ACOX3: variants seen among roughly 807,000 people sequenced by gnomAD.
ACOX3 encodes acyl-CoA oxidase 3, pristanoyl.
Under a neutral mutation model 81.5 loss-of-function variants are expected in ACOX3, and 73 were observed. The observed-to-expected ratio is 0.90, with a 90% CI of 0.74 to 1.09. The LOEUF is 1.09. Among genes scored for constraint, ACOX3 ranks in the 50% least tolerant of loss-of-function variants. The probability of loss-of-function intolerance (pLI) is 0.00; values close to 1 mark genes in which losing one functional copy is unlikely to be tolerated. For synonymous variants in ACOX3, 387 were observed against 375.1 expected, an observed-to-expected ratio of 1.03 and a Z score of -0.37; for missense variants, 947 against 928.0, an observed-to-expected ratio of 1.02 and a Z score of -0.27.
intron 7 of ACOX3, among the ~76,000 whole-genome samples, chr4:8,404,435 C>CTT (rs370622347): frequency 1.6e-5 from 2 of 125,356 alleles, no homozygotes; most frequent in Non-Finnish European, 3.5e-5. Flanking sequence ...TCTTGTTTTG[C>CTT]TTTTTTTTTT....
At chr4:8,427,330 A>G (rs150936268) in intron 1 of ACOX3, among the ~76,000 whole-genome samples, 2 of 152,178 alleles carry the variant, frequency 1.3e-5, no homozygotes, top group Non-Finnish European at 2.9e-5. Context: ...TGTTTTCACG[A>G]TATTAAATCT....
At position 8,415,735 on chromosome 4, in the gene ACOX3, C is replaced by T. The variant is rs374323186; in HGVS notation, c.378+31G>A. The T allele has an allele frequency of 1.5e-4, 235 of 1,597,636 alleles. 4 individuals are homozygous for T. In the South Asian group the frequency reaches 2.0e-3, roughly 14 times the overall value. ...TCAAGGCTCAGCGCAGCATGAAAGCCGTTTCCCTCTCCCCTAGGCCGCATG... is the reference window on the plus strand; with the variant it reads ...TCAAGGCTCAGCGCAGCATGAAAGCTGTTTCCCTCTCCCCTAGGCCGCATG... On this transcript the variant is annotated intron_variant, in intron 3 of 17. Transcript: ENST00000356406.
At chr4:8,383,999 A>G (rs1183365979) in intron 13 of ACOX3, among the ~76,000 whole-genome samples, 1 of 152,208 alleles carries the variant, frequency 6.6e-6, no homozygotes, top group African/African-American at 2.4e-5. Flanking sequence ...CCCACCACGC[A>G]TCAGCCATGG....
At chr4:8,372,876 A>G (rs1716395771) in intron 16 of ACOX3, among the ~76,000 whole-genome samples, 1 of 152,240 alleles carries the variant, frequency 6.6e-6, no homozygotes, top group Non-Finnish European at 1.5e-5. Flanking sequence ...CAGCAGCACC[A>G]GCACCAGCAC....
intron 13 of ACOX3, among the ~76,000 whole-genome samples, chr4:8,383,320 G>A (rs1030542331): frequency 3.3e-5 from 5 of 152,256 alleles, no homozygotes; most frequent in Non-Finnish European, 5.9e-5. Flanking sequence ...CTGAATGGTG[G>A]CCCCAACTGA....
Position 8,392,345 on chromosome 4 carries a change from C to A in ACOX3, c.1288G>T (p.Gly430Cys). The change falls in exon 11 of 18, where the codon GGC (glycine) becomes TGC (cysteine). Residue 430 changes from glycine (G) to cysteine (C), a missense_variant. Gly to Cys is a radical substitution (Grantham distance 159, BLOSUM62 -3). Coordinates refer to ENST00000356406, the MANE Select transcript of ACOX3 (RefSeq NM_003501.3). ...QECREACGGHGYLAMNRLGVL... is the reference protein window; with the variant it reads ...QECREACGGHCYLAMNRLGVL... ...CTCCAAAACCTACTGGCCAGATAGC[C>A]GTGTCCTCCACACGCCTCCCGGCAT... 1 of 1,591,366 alleles carries A rather than the reference C, an allele frequency of 6.3e-7. No homozygotes were observed. Among genetic ancestry groups the A allele is most frequent in the Admixed American group, 1.8e-5 (1 of 54,890 alleles).
At chr4:8,412,777 C>T (rs921861975) in intron 5 of ACOX3, among the ~76,000 whole-genome samples, 12 of 152,004 alleles carry the variant, frequency 7.9e-5, no homozygotes, top group Non-Finnish European at 1.5e-4. Context: ...GGGAACAGAA[C>T]AGGGTGGGTG....
At chr4:8,418,675 C>A (rs1461381894) in intron 1 of ACOX3, among the ~76,000 whole-genome samples, 1 of 150,998 alleles carries the variant, frequency 6.6e-6, no homozygotes, top group East Asian at 2.0e-4. Flanking sequence ...GCCTGGCCAA[C>A]ACGGTGAAAC....
intron 3 of ACOX3, 125 bp from the exon 4 acceptor site, chr4:8,415,053 T>G: frequency 3.4e-6 from 3 of 893,908 alleles, no homozygotes; most frequent in Non-Finnish European, 5.4e-6. Flanking sequence ...CACTGCACTT[T>G]CCCCAAGGTG....
chr4:8,418,226 A>G (rs1253399902), intron 1 of ACOX3, among the ~76,000 whole-genome samples: 1 of 152,220 alleles, frequency 6.6e-6, no homozygotes, highest in Non-Finnish European at 1.5e-5. Context: ...GAGAACTAGA[A>G]ATAAACATCT....
chr4:8,409,317 G>A (rs1338821613), intron 6 of ACOX3, among the ~76,000 whole-genome samples: 1 of 152,236 alleles, frequency 6.6e-6, no homozygotes, highest in Non-Finnish European at 1.5e-5. Flanking sequence ...GGGACATTGG[G>A]CTGGATGTTT....
intron 5 of ACOX3, among the ~76,000 whole-genome samples, chr4:8,413,063 A>C (rs1391996529): frequency 3.2e-5 from 3 of 92,908 alleles, no homozygotes; most frequent in African/African-American, 4.6e-5. Context: ...ATCTCCCTCC[A>C]CCCCGCACCC....
chr4:8,391,286 G>C (rs926556101), intron 11 of ACOX3, among the ~76,000 whole-genome samples: 1 of 152,200 alleles, frequency 6.6e-6, no homozygotes, highest in African/African-American at 2.4e-5. Context: ...GGGAGTGAGG[G>C]GCCACGTTGC....
chr4:8,416,460 A>AG lies in ACOX3; in HGVS notation c.61dup (p.Leu21ProfsTer28), dbSNP rs749918162. ...GGACGCTCTTGCTCGGTAGGCATCG[A>AG]GGGGCCCCCTGGGGAATTCTGGGAG... On this transcript the variant is annotated frameshift_variant, in exon 2 of 18. Coordinates refer to ENST00000356406, the MANE Select transcript of ACOX3 (RefSeq NM_003501.3). LOFTEE classifies it high-confidence loss of function. This position sits in a 1 kb window ranked among gnomAD's most constrained non-coding sequence, Gnocchi z 4.2. The AG allele has an allele frequency of 1.2e-6, 2 of 1,613,956 alleles. No individual in the cohort carries two copies. Among genetic ancestry groups the AG allele is most frequent in the Non-Finnish European group, 1.7e-6 (2 of 1,179,986 alleles).
intron 14 of ACOX3, among the ~76,000 whole-genome samples, chr4:8,378,294 G>A (rs913630001): frequency 2.6e-5 from 4 of 152,220 alleles, no homozygotes; most frequent in African/African-American, 7.2e-5. Flanking sequence ...CGGCACGGGC[G>A]AGCTGGGGGA....
At chr4:8,410,091 G>T in intron 6 of ACOX3, 121 bp downstream of exon 6, 1 of 1,315,588 alleles carries the variant, frequency 7.6e-7, no homozygotes, top group Middle Eastern at 2.7e-4. Context: ...AGTGTCCCTG[G>T]TCCACTCACC....
intron 1 of ACOX3, among the ~76,000 whole-genome samples, chr4:8,435,364 C>G (rs977950926): frequency 2.0e-5 from 3 of 152,186 alleles, no homozygotes; most frequent in Admixed American, 6.5e-5. Context: ...GGCGTGCTGG[C>G]GGGCACCTGT....
chr4:8,384,193 C>T lies in ACOX3; in HGVS notation c.1538-2586G>A, dbSNP rs978358892. Among the ~76,000 whole-genome samples the T allele has an allele frequency of 1.3e-5, 2 of 152,166 alleles. No individual in the cohort carries two copies. Among genetic ancestry groups the T allele is most frequent in the Non-Finnish European group, 2.9e-5 (2 of 68,034 alleles). ...TGCTGTGGGCTTCAAGTGAGAGGGA[C>T]GCTTGAGAAATGAGTTATGTTTGCA... On this transcript the variant is annotated intron_variant, in intron 13 of 17. Coordinates refer to ENST00000356406, the MANE Select transcript of ACOX3 (RefSeq NM_003501.3). This position sits in a 1 kb window ranked among gnomAD's most constrained non-coding sequence, Gnocchi z 5.3.
intron 8 of ACOX3, 60 bp from the exon 9 acceptor site, chr4:8,397,179 T>C: frequency 1.4e-6 from 2 of 1,460,576 alleles, no homozygotes. Flanking sequence ...TTGGGCAGAG[T>C]GGCTCAGAGG....
Sources: gnomAD v4.1 joint callset for allele counts (sites outside exome capture counted in the v4.1 genomes callset) on GRCh38, gnomAD v4.1.1 for gene constraint, Gnocchi (gnomAD v3.1) non-coding constraint, MANE v1.5 for transcripts, NCBI Gene and HGNC (gene_info 2026-07-23, HGNC 2026-07-21) for gene names.